The following MICU1 variants were observed in gnomAD, a reference collection of about 807,000 sequenced individuals.
MICU1 encodes the protein mitochondrial calcium uptake 1, also known as calcium uptake protein 1, mitochondrial.
A neutral mutation model predicts 56.8 loss-of-function variants in MICU1; 45 were observed. The observed-to-expected ratio is 0.79, with a 90% confidence interval of 0.62 to 1.02. The LOEUF (loss-of-function observed/expected upper bound fraction) is 1.02. Among genes scored for constraint, MICU1 ranks in the 50% least tolerant of loss-of-function variants. MICU1 has a pLI of 0.00. For missense variants in MICU1, 504 were observed against 587.1 expected, an observed-to-expected ratio of 0.86 and a Z score of 1.46; for synonymous variants, 186 against 195.1, an observed-to-expected ratio of 0.95 and a Z score of 0.39.
intron 8 of MICU1, among the ~76,000 whole-genome samples, chr10:72,471,583 TG>T (rs910573937): frequency 1.8e-4 from 20 of 110,660 alleles, no homozygotes; most frequent in Admixed American, 1.5e-3. Flanking sequence ...TTGTTTTTAT[TG>T]TTTTTTTTAA....
intron 8 of MICU1, among the ~76,000 whole-genome samples, chr10:72,458,038 G>C (rs576855770): frequency 6.6e-6 from 1 of 151,838 alleles, no homozygotes; most frequent in East Asian, 1.9e-4. Flanking sequence ...GTGGTGGCAC[G>C]TGCCTGTAAT....
At chr10:72,493,716 G>A (rs970877600) in intron 6 of MICU1, among the ~76,000 whole-genome samples, 4 of 152,070 alleles carry the variant, frequency 2.6e-5, no homozygotes, top group African/African-American at 4.8e-5. Flanking sequence ...CTTGGTCTCC[G>A]AAGTGCTAGG....
intron 5 of MICU1, among the ~76,000 whole-genome samples, chr10:72,517,833 C>G (rs1867696411): frequency 6.7e-6 from 1 of 149,302 alleles, no homozygotes; most frequent in African/African-American, 2.5e-5. Flanking sequence ...TTCATTTAAT[C>G]TTTTAGATGG....
At chr10:72,587,464 C>CAAAAA (rs35303837) in intron 1 of MICU1, among the ~76,000 whole-genome samples, 8 of 92,860 alleles carry the variant, frequency 8.6e-5, no homozygotes, top group African/African-American at 3.4e-4. Flanking sequence ...CAGCATGTCT[C>CAAAAA]AAAAAAAAAA....
chr10:72,484,291 A>G (rs1310415955), intron 6 of MICU1, among the ~76,000 whole-genome samples: 1 of 152,198 alleles, frequency 6.6e-6, no homozygotes, highest in African/African-American at 2.4e-5. Context: ...ACAATAAGGC[A>G]ATCTAAAGTA....
At chr10:72,381,483 G>A (rs1254339401) in intron 10 of MICU1, among the ~76,000 whole-genome samples, 2 of 152,144 alleles carry the variant, frequency 1.3e-5, no homozygotes, top group African/African-American at 4.8e-5. Context: ...CCTAGTTCTG[G>A]GGTGAGGGGA....
intron 8 of MICU1, among the ~76,000 whole-genome samples, chr10:72,435,506 AT>A (rs1864682023): frequency 6.6e-6 from 1 of 151,880 alleles, no homozygotes; most frequent in Non-Finnish European, 1.5e-5. Context: ...TGCATTTCCA[AT>A]TGAGGTATCT....
chr10:72,502,310 A>G (rs1276717808), intron 6 of MICU1, among the ~76,000 whole-genome samples: 2 of 151,960 alleles, frequency 1.3e-5, no homozygotes, highest in Non-Finnish European at 2.9e-5. Context: ...ATGTACCACC[A>G]TGCCCGGCTA....
At chr10:72,426,142 C>T (rs1349741724) in intron 8 of MICU1, among the ~76,000 whole-genome samples, 1 of 152,080 alleles carries the variant, frequency 6.6e-6, no homozygotes, top group African/African-American at 2.4e-5. Context: ...CTCAGCTTCC[C>T]AAGTAGCTGG....
intron 5 of MICU1, among the ~76,000 whole-genome samples, chr10:72,520,312 C>G (rs1208492622): frequency 6.6e-6 from 1 of 152,118 alleles, no homozygotes; most frequent in Non-Finnish European, 1.5e-5. Context: ...AACAATCACA[C>G]TATTTCCAAT....
chr10:72,493,354 C>A (rs1866731280), intron 6 of MICU1, among the ~76,000 whole-genome samples: 1 of 152,112 alleles, frequency 6.6e-6, no homozygotes, highest in Non-Finnish European at 1.5e-5. Flanking sequence ...TATAAAATGT[C>A]ATTGCACAGA....
intron 1 of MICU1, among the ~76,000 whole-genome samples, chr10:72,567,013 G>A (rs947879687): frequency 6.6e-6 from 1 of 152,120 alleles, no homozygotes; most frequent in African/African-American, 2.4e-5. Flanking sequence ...ACAATTAGAA[G>A]ACAGAAACCA....
intron 1 of MICU1, among the ~76,000 whole-genome samples, chr10:72,579,019 T>C (rs776723025): frequency 2.7e-4 from 41 of 152,106 alleles, no homozygotes; most frequent in Non-Finnish European, 5.4e-4. Context: ...TTTGCGACAT[T>C]AGCTTTATGG....
At chr10:72,485,151 G>C (rs561952181) in intron 6 of MICU1, among the ~76,000 whole-genome samples, 49 of 152,108 alleles carry the variant, frequency 3.2e-4, no homozygotes, top group Admixed American at 9.8e-4. Context: ...ACAGGAAAAT[G>C]AGGTAAATTA....
intron 1 of MICU1, among the ~76,000 whole-genome samples, chr10:72,603,008 C>CG (rs11398144): frequency 0.63 from 96,169 of 151,834 alleles, 31,989 homozygotes; most frequent in African/African-American, 0.74. Context: ...CCCAGCTACT[C>CG]GGAGGCTGAG....
chr10:72,402,873 C>T (rs948421931), intron 10 of MICU1, among the ~76,000 whole-genome samples: 8 of 151,846 alleles, frequency 5.3e-5, no homozygotes, highest in Non-Finnish European at 1.2e-4. Flanking sequence ...CATGGTGAAA[C>T]TATCTATAAA....
At chr10:72,390,668 C>A (rs1263941552) in intron 10 of MICU1, among the ~76,000 whole-genome samples, 2 of 152,130 alleles carry the variant, frequency 1.3e-5, no homozygotes, top group African/African-American at 2.4e-5. Context: ...AAGGTTCTAA[C>A]CTTTTGGGAA....
chr10:72,625,748 T>C (rs1226196917), intron 1 of MICU1, among the ~76,000 whole-genome samples: 2 of 151,852 alleles, frequency 1.3e-5, no homozygotes, highest in Non-Finnish European at 2.9e-5. Flanking sequence ...TGGGAGAAGT[T>C]CTCCCGGGAC....
intron 11 of MICU1, among the ~76,000 whole-genome samples, chr10:72,373,623 A>G (rs78048348): frequency 0.029 from 4,373 of 152,208 alleles, 189 homozygotes; most frequent in African/African-American, 0.1. Context: ...TAATGACAGA[A>G]CCTCTTTCTA....
Sources: gnomAD v4.1 joint callset for allele counts (sites outside exome capture counted in the v4.1 genomes callset) on GRCh38, gnomAD v4.1.1 for gene constraint, MANE v1.5 for transcripts, NCBI Gene and HGNC (gene_info 2026-07-23, HGNC 2026-07-21) for gene names.